Variants in MR1 observed in about 807,000 individuals in gnomAD.
MR1 encodes major histocompatibility complex, class I-related, also known as major histocompatibility complex class I-related protein 1.
MR1 carries 44 observed loss-of-function variants against 37.8 expected under a neutral mutation model. That is an observed-to-expected ratio of 1.16 (90% CI 0.91 to 1.50). The LOEUF (loss-of-function observed/expected upper bound fraction) is 1.50, where lower values mean the gene tolerates loss of function less well. MR1 is among the 40% of genes most tolerant of loss of function. The probability of loss-of-function intolerance (pLI) is 0.00; values close to 1 mark genes in which losing one functional copy is unlikely to be tolerated. For synonymous variants in MR1, 153 were observed against 155.8 expected (o/e 0.98, Z 0.13); for missense variants, 386 against 419.1 (o/e 0.92, Z 0.69).
At position 181,053,669 on chromosome 1, in the gene MR1, G is replaced by A. The variant is rs754650505; in HGVS notation, c.977G>A (p.Arg326Lys). 2.0e-4 allele frequency: 321 copies of A among 1,612,076 alleles called. No individual in the cohort carries two copies. Among genetic ancestry groups the A allele is most frequent in the Non-Finnish European group, 2.6e-4 (306 of 1,178,290 alleles). ...AGVGVLVWRR[R>K]PREQNGAIYL... The stretch of plus-strand genomic sequence containing the variant: ...GTTGGTGTTCTAGTCTGGAGAAGAA[G>A]GCCCCGAGGTGAGAGGCACATGGAA... Residue 326 changes from arginine to lysine, a missense_variant, in exon 5 of 6, where the codon AGG becomes AAG. Arg to Lys is a conservative substitution (Grantham distance 26, BLOSUM62 2). Transcript: ENST00000367580.
chr1:181,050,535 T>C, intron 3 of MR1: 1 of 494,122 alleles, frequency 2.0e-6, no homozygotes, highest in Non-Finnish European at 3.7e-6. Flanking sequence ...TTTTTAGGGA[T>C]CTATTGAGGC....
intron 4 of MR1, 123 bp from the exon 5 acceptor site, chr1:181,053,450 T>A: frequency 1.5e-6 from 1 of 662,140 alleles, no homozygotes; most frequent in Middle Eastern, 2.6e-4. Context: ...GATTGATGAG[T>A]GAGAAGCAAC....
At position 181,033,998 on chromosome 1, in the gene MR1, GAGA is replaced by G. The variant is rs1381529816; in HGVS notation, c.-7_-5del. Reference sequence around the variant, plus strand: ...GTTTTTGGTTAAAAGAACCCGGAAAGAGAAGGACTATGGGGGAACTGATGGCGT... The same window carrying G: ...GTTTTTGGTTAAAAGAACCCGGAAAGAGGACTATGGGGGAACTGATGGCGT... On this transcript the variant is annotated 5_prime_UTR_variant, in exon 1 of 6. Transcript: ENST00000367580. The G allele has an allele frequency of 1.2e-6, 2 of 1,606,170 alleles. No homozygotes were observed. The highest frequency in any genetic ancestry group is 2.2e-5 in the East Asian group (1 of 44,656).
intron 1 of MR1, among the ~76,000 whole-genome samples, chr1:181,034,600 G>T (rs186212563): frequency 6.6e-6 from 1 of 152,210 alleles, no homozygotes; most frequent in South Asian, 2.1e-4. Context: ...TTCATTATTC[G>T]GGGAGCTCAA....
chr1:181,035,157 T>C (rs958579516), intron 1 of MR1, among the ~76,000 whole-genome samples: 3 of 151,568 alleles, frequency 2.0e-5, no homozygotes, highest in Admixed American at 2.0e-4. Flanking sequence ...AAAAATTAGC[T>C]CGGCACACCC....
intron 1 of MR1, among the ~76,000 whole-genome samples, chr1:181,036,440 A>G (rs1187009966): frequency 6.6e-6 from 1 of 152,256 alleles, no homozygotes; most frequent in East Asian, 1.9e-4. Flanking sequence ...TATTGGCTGG[A>G]AAAGGATATG....
Position 181,055,457 on chromosome 1 carries a change from T to A in MR1, c.*192T>A, listed in dbSNP as rs1571403707. The A allele has an allele frequency of 1.9e-5, 11 of 577,786 alleles. No homozygotes were observed. The East Asian group carries it at 2.6e-4, about 14-fold the overall frequency. 35.8% of individuals were successfully genotyped at this position (577,786 alleles called of 1,614,324 possible). On this transcript the variant is annotated 3_prime_UTR_variant, in exon 6 of 6. Transcript: ENST00000367580. ...TTGTTCTTTGGCTCCAAAAAGACTG[T>A]CAGCTTTCAGTCTCTTTTGATGGAC...
At chr1:181,055,192 T>C (rs760964545) in intron 5 of MR1, 33 bp from the exon 6 acceptor site, 1 of 1,608,440 alleles carries the variant, frequency 6.2e-7, no homozygotes, top group South Asian at 1.1e-5. Context: ...GGAAACATTC[T>C]TGTAATCTGA....
At position 181,060,223 on chromosome 1, in the gene MR1, T is replaced by G. The variant is rs1342433502; in HGVS notation, c.*4958T>G. On this transcript the variant is annotated 3_prime_UTR_variant, in exon 6 of 6. Transcript: ENST00000367580. ...GCATGCATGGCTTTGTGTCCAAATT[T>G]CCTTTTTTCATGAGGCCATCAGTCA... 3.3e-5 allele frequency: 5 copies of G among 152,304 alleles called. No homozygotes were observed. Among genetic ancestry groups the G allele is most frequent in the East Asian group, 3.9e-4 (2 of 5,182 alleles). 9.4% of individuals were successfully genotyped at this position (152,304 alleles called of 1,614,324 possible). A position where few individuals can be genotyped will look rare whatever the true frequency, so the allele number is the denominator to read the frequency against.
chr1:181,033,786 G>A (rs958043744), upstream of MR1: 5 of 469,316 alleles, frequency 1.1e-5, no homozygotes, highest in African/African-American at 9.8e-5. Context: ...GGTGAAGATA[G>A]ATACACCAAA....
intron 5 of MR1, among the ~76,000 whole-genome samples, chr1:181,054,013 T>G (rs1658473412): frequency 6.6e-6 from 1 of 152,252 alleles, no homozygotes. Flanking sequence ...TAATTACTAT[T>G]GACTTCTGGG....
chr1:181,041,958 A>G (rs1657576251), intron 1 of MR1, among the ~76,000 whole-genome samples: 1 of 152,208 alleles, frequency 6.6e-6, no homozygotes, highest in Non-Finnish European at 1.5e-5. Flanking sequence ...CTGGCACAGA[A>G]GAAGCATTGG....
In MR1 at chr1:181,049,064, T is replaced by C. The variant is rs1249025400; in HGVS notation, c.80T>C (p.Leu27Pro). The change falls in exon 2 of 6, where the codon CTG becomes CCG. Residue 27 changes from leucine to proline, a missense_variant. Coordinates refer to ENST00000367580, the MANE Select transcript of MR1 (RefSeq NM_001385161.1). The stretch of plus-strand genomic sequence containing the variant: ...GCCTCCTTTCCAGGGACGCACTCTC[T>C]GAGATATTTTCGCCTGGGCGTTTCG... ...VKHSDSRTHS[L>P]RYFRLGVSDP... is the part of the protein sequence containing the mutation. The C allele has an allele frequency of 6.2e-7, 1 of 1,613,516 alleles. No homozygotes were observed. Among genetic ancestry groups the C allele is most frequent in the Non-Finnish European group, 8.5e-7 (1 of 1,179,462 alleles).
rs1658620223 is a variant in MR1 at position 181,056,379 on chromosome 1, T to TAAA, written c.*1116_*1117insAAA. 1 of 59,698 alleles carries TAAA rather than the reference T, an allele frequency of 1.7e-5. No individual in the cohort carries two copies. The highest frequency in any genetic ancestry group is 7.9e-4 in the South Asian group (1 of 1,260). The allele number at this position is 59,698 out of a possible 1,614,324, so 3.7% of individuals were successfully genotyped here. On this transcript the variant is annotated 3_prime_UTR_variant, in exon 6 of 6. Transcript: ENST00000367580. The stretch of plus-strand genomic sequence containing the variant: ...CTCTATCTCAAAATAATAATAATAA[T>TAAA]AATAATAATAATAATAATAATAATA...
At chr1:181,053,502 C>A (rs1658436761) in intron 4 of MR1, 71 bp from the exon 5 acceptor site, 5 of 1,206,558 alleles carry the variant, frequency 4.1e-6, no homozygotes, top group East Asian at 4.7e-5. Flanking sequence ...ATCACAGGGA[C>A]AAAAGTCCCA....
chr1:181,043,976 T>G (rs1657714030), intron 1 of MR1, among the ~76,000 whole-genome samples: 1 of 145,440 alleles, frequency 6.9e-6, no homozygotes. Context: ...TTTTTTTTTT[T>G]TTTTTGAGAC....
chr1:181,033,741 A>G (rs1173831189), upstream of MR1: 2 of 339,266 alleles, frequency 5.9e-6, no homozygotes, highest in African/African-American at 2.1e-5. Context: ...TTTGAACATG[A>G]CTATGCTCCA....
rs1290746468 is a variant in MR1, at chr1:181,056,469, G to C, written c.*1204G>C. On this transcript the variant is annotated 3_prime_UTR_variant, in exon 6 of 6. Transcript: ENST00000367580. ...TCTGCCTTTCCTGTGCTGGCTCATG[G>C]TAGCTGGGCATGACTTGCCTTCCTA... is the stretch of plus-strand genomic sequence containing the variant. 1.3e-5 allele frequency: 2 copies of C among 152,020 alleles called. No homozygotes were observed. Among genetic ancestry groups the C allele is most frequent in the Non-Finnish European group, 2.9e-5 (2 of 68,008 alleles). The allele number at this position is 152,020 out of a possible 1,614,324, so 9.4% of individuals were successfully genotyped here.
chr1:181,050,534 A>G (rs1658252739), intron 3 of MR1: 1 of 496,906 alleles, frequency 2.0e-6, no homozygotes, highest in East Asian at 3.7e-5. Context: ...GTTTTTAGGG[A>G]TCTATTGAGG....
Sources: allele counts gnomAD v4.1 joint callset (sites outside exome capture counted in the v4.1 genomes callset), GRCh38; gene constraint gnomAD v4.1.1; transcripts MANE v1.5; gene names NCBI Gene and HGNC (gene_info 2026-07-23, HGNC 2026-07-21).